The following SAAL1 variants were observed in gnomAD, a reference collection of about 807,000 sequenced individuals.
SAAL1 encodes the protein protein SAAL1.
A neutral mutation model predicts 59.8 loss-of-function variants in SAAL1; 42 were observed. The observed-to-expected ratio is 0.70, with a 90% confidence interval of 0.55 to 0.91. The LOEUF is 0.91. SAAL1 is among the 40% of genes least tolerant of loss of function. The pLI is 0.00. For missense variants in SAAL1, 542 were observed against 561.1 expected (o/e 0.97, Z 0.34); for synonymous variants, 191 against 194.3 (o/e 0.98, Z 0.14).
At chr11:18,102,048 G>A (rs1046152410) in intron 2 of SAAL1, among the ~76,000 whole-genome samples, 1 of 152,082 alleles carries the variant, frequency 6.6e-6, no homozygotes, top group Non-Finnish European at 1.5e-5. Context: ...AAACTTTCAG[G>A]GGTGATGGGT....
intron 9 of SAAL1, among the ~76,000 whole-genome samples, chr11:18,084,467 C>T (rs1194813429): frequency 6.6e-6 from 1 of 152,206 alleles, no homozygotes; most frequent in Admixed American, 6.5e-5. Flanking sequence ...GCTCCATGTG[C>T]TACTTTGCTA....
chr11:18,080,685 C>T (rs10500831), intron 11 of SAAL1, among the ~76,000 whole-genome samples, 194 bp from the exon 12 acceptor site: 27,737 of 152,122 alleles, frequency 0.18, 3,131 homozygotes, highest in Non-Finnish European at 0.25. Flanking sequence ...TTTCCCATTC[C>T]GTTTTACTCT....
At chr11:18,081,047 T>C (rs1848404518) in intron 11 of SAAL1, among the ~76,000 whole-genome samples, 1 of 152,166 alleles carries the variant, frequency 6.6e-6, no homozygotes, top group African/African-American at 2.4e-5. Context: ...TATAAAGGTA[T>C]ATTACATGAT....
rs201133892 is a variant in SAAL1 at position 18,087,048 on chromosome 11, C to A, written c.860G>T (p.Cys287Phe). 6.2e-6 allele frequency: 10 copies of A among 1,612,766 alleles called. No individual in the cohort carries two copies. In the African/African-American group the frequency reaches 9.3e-5, roughly 15 times the overall value. ...CCAAATGTCTTTTCCAGTGTCAGGA[C>A]AATGTACTTAATAAAGAGGACAAAT... ...VDDGIQAIVH[C>F]PDTGKDIWNL... The change falls in exon 9 of 12, where the codon TGT (cysteine) becomes TTT (phenylalanine). Residue 287 changes from cysteine to phenylalanine, a missense_variant. Cys to Phe is a radical substitution (Grantham distance 205). Coordinates refer to ENST00000524803, the MANE Select transcript of SAAL1 (RefSeq NM_138421.3).
chr11:18,092,049 G>A (rs1156467606), intron 4 of SAAL1, among the ~76,000 whole-genome samples, 196 bp downstream of exon 4: 1 of 152,056 alleles, frequency 6.6e-6, no homozygotes, highest in African/African-American at 2.4e-5. Context: ...AAGAAAACAG[G>A]CTTAAATCCT....
At chr11:18,096,552 C>T (rs1848578527) in intron 3 of SAAL1, among the ~76,000 whole-genome samples, 1 of 152,000 alleles carries the variant, frequency 6.6e-6, no homozygotes, top group Non-Finnish European at 1.5e-5. Flanking sequence ...CACTGCACTC[C>T]AAGCCCTGGA....
rs992289843 is a variant in SAAL1, at chr11:18,080,626, A to T, written c.1333-135T>A. ...TGGCAGATCTCCAGATGATAGTAAC[A>T]GTACTTCCTAAGCAGTCTTCTAAAT... On this transcript the variant is annotated intron_variant, in intron 11 of 11. Coordinates refer to ENST00000524803, the MANE Select transcript of SAAL1 (RefSeq NM_138421.3). The T allele has an allele frequency of 6.9e-6, 4 of 576,026 alleles. No individual in the cohort carries two copies. In the Admixed American group the frequency reaches 1.1e-4, roughly 16 times the overall value. The allele number at this position is 576,026 out of a possible 1,614,324, so 35.7% of individuals were successfully genotyped here.
intron 4 of SAAL1, 88 bp downstream of exon 4, chr11:18,092,157 T>G (rs1848529494): frequency 2.9e-6 from 2 of 681,770 alleles, no homozygotes; most frequent in Non-Finnish European, 5.0e-6. Context: ...GGACTGTCTT[T>G]CAGATTTGCT....
intron 2 of SAAL1, among the ~76,000 whole-genome samples, chr11:18,099,077 C>T (rs1339031559): frequency 1.7e-5 from 2 of 119,330 alleles, no homozygotes; most frequent in Non-Finnish European, 3.6e-5. Flanking sequence ...AGGATTTGAA[C>T]CCATGAGTCT....
chr11:18,103,926 ACAAT>A (rs1848661960), intron 1 of SAAL1, among the ~76,000 whole-genome samples: 1 of 152,214 alleles, frequency 6.6e-6, no homozygotes, highest in African/African-American at 2.4e-5. Context: ...TTGATTTAAC[ACAAT>A]CAAAGAATAA....
In SAAL1 at chr11:18,086,969, G is replaced by GGGT; in HGVS notation, c.936_938dup (p.Pro313dup). Reference sequence around the variant, plus strand: ...CTGTTTTCTGTTCTTGAAGAATGATGGGTGGATCATCAGACTGGCAGAATT... The same window carrying GGGT: ...CTGTTTTCTGTTCTTGAAGAATGATGGGTGGTGGATCATCAGACTGGCAGAATT... On this transcript the variant is annotated inframe_insertion, in exon 9 of 12. Transcript: ENST00000524803. 6.2e-7 allele frequency: 1 copy of GGGT among 1,613,652 alleles called. No homozygotes were observed. The highest frequency in any genetic ancestry group is 8.5e-7 in the Non-Finnish European group (1 of 1,179,538).
intron 9 of SAAL1, among the ~76,000 whole-genome samples, chr11:18,085,560 G>A (rs536507642): frequency 6.2e-4 from 94 of 152,266 alleles, no homozygotes; most frequent in African/African-American, 2.2e-3. Context: ...TTAACACGAT[G>A]TCAACAAAAA....
At chr11:18,098,037 C>A (rs1848596041) in intron 2 of SAAL1, among the ~76,000 whole-genome samples, 2 of 152,080 alleles carry the variant, frequency 1.3e-5, no homozygotes, top group Admixed American at 6.6e-5. Context: ...GTCCCACCTA[C>A]TCAGGAGGCT....
intron 2 of SAAL1, among the ~76,000 whole-genome samples, chr11:18,100,478 C>T (rs1848623072): frequency 6.6e-6 from 1 of 152,114 alleles, no homozygotes; most frequent in South Asian, 2.1e-4. Context: ...GCCTGTAATC[C>T]CAGCACTTTG....
Position 18,092,234 on chromosome 11 carries a change from G to A in SAAL1, c.413+11C>T. The A allele has an allele frequency of 7.0e-7, 1 of 1,432,968 alleles. No individual in the cohort carries two copies. Among genetic ancestry groups the A allele is most frequent in the Non-Finnish European group, 9.8e-7 (1 of 1,022,236 alleles). The allele number at this position is 1,432,968 out of a possible 1,614,324, so 88.8% of individuals were successfully genotyped here. A position where few individuals can be genotyped will look rare whatever the true frequency, so the allele number is the denominator to read the frequency against. On this transcript the variant is annotated intron_variant, in intron 4 of 11. Coordinates refer to ENST00000524803, the MANE Select transcript of SAAL1 (RefSeq NM_138421.3). ...ATATATTAAAAAACATAATTATATAGTAAGACTTACCCAAGATTTTTATCA... is the reference window on the plus strand; with the variant it reads ...ATATATTAAAAAACATAATTATATAATAAGACTTACCCAAGATTTTTATCA...
chr11:18,105,860 GC>G (rs1439895321), intron 1 of SAAL1, 46 bp downstream of exon 1: 1 of 1,516,756 alleles, frequency 6.6e-7, no homozygotes, highest in Non-Finnish European at 8.8e-7. Flanking sequence ...GAGCCCCGGT[GC>G]CTGGGGGATG....
chr11:18,091,741 G>C (rs1848525545), intron 4 of SAAL1, among the ~76,000 whole-genome samples: 1 of 152,148 alleles, frequency 6.6e-6, no homozygotes, highest in Admixed American at 6.5e-5. Context: ...CTTCTGCCCA[G>C]AACTTTACAC....
At chr11:18,105,813 A>C (rs941572126) in intron 1 of SAAL1, 94 bp downstream of exon 1, 1 of 1,413,288 alleles carries the variant, frequency 7.1e-7, no homozygotes, top group African/African-American at 1.4e-5. Flanking sequence ...CTTTGTGGGG[A>C]TGGCGGCTCC....
Position 18,089,427 on chromosome 11 carries a change from C to T in SAAL1, c.673G>A (p.Gly225Arg). ...EKLMLEWVRN[G>R]AAQPLDQPQE... ...GGTTGGTCCAGAGGCTGAGCAGCCCCATTTCTGACCCATTCTAACATTAGT... is the reference window on the plus strand; with the variant it reads ...GGTTGGTCCAGAGGCTGAGCAGCCCTATTTCTGACCCATTCTAACATTAGT... Residue 225 changes from glycine to arginine, a missense_variant, in exon 7 of 12, where the codon GGG becomes AGG. Physicochemically the swap from Gly to Arg is moderately radical, Grantham distance 125. Transcript: ENST00000524803. 1 of 1,612,630 alleles carries T rather than the reference C, an allele frequency of 6.2e-7. No individual in the cohort carries two copies. Among genetic ancestry groups the T allele is most frequent in the South Asian group, 1.1e-5 (1 of 90,700 alleles).
Sources: allele counts gnomAD v4.1 joint callset (sites outside exome capture counted in the v4.1 genomes callset), GRCh38; gene constraint gnomAD v4.1.1; transcripts MANE v1.5; gene names NCBI Gene and HGNC (gene_info 2026-07-23, HGNC 2026-07-21).